Variants in VSTM2B observed in about 807,000 individuals in gnomAD.
VSTM2B encodes V-set and transmembrane domain containing 2B.
Under a neutral mutation model 24.0 loss-of-function variants are expected in VSTM2B, and 24 were observed. That is an observed-to-expected ratio of 1.00 (90% CI 0.72 to 1.40). The LOEUF (loss-of-function observed/expected upper bound fraction) is 1.40. Among genes scored for constraint, VSTM2B ranks in the 40% most tolerant of loss-of-function variants. The probability of loss-of-function intolerance (pLI) is 0.00; values close to 1 mark genes in which losing one functional copy is unlikely to be tolerated. For missense variants in VSTM2B, 399 were observed against 416.4 expected, an observed-to-expected ratio of 0.96 and a Z score of 0.36; for synonymous variants, 226 against 194.4, an observed-to-expected ratio of 1.16 and a Z score of -1.35.
At chr19:29,540,212 T>C (rs1969991436) in intron 4 of VSTM2B, among the ~76,000 whole-genome samples, 1 of 152,272 alleles carries the variant, frequency 6.6e-6, no homozygotes, top group Non-Finnish European at 1.5e-5. Context: ...GTATCTGGTC[T>C]GGCCCAGGCC....
intron 4 of VSTM2B, among the ~76,000 whole-genome samples, chr19:29,561,022 G>A (rs1448569899): frequency 6.6e-6 from 1 of 152,174 alleles, no homozygotes; most frequent in Non-Finnish European, 1.5e-5. Context: ...CTAAAGATCA[G>A]AGCCAGGGGC....
At chr19:29,548,541 G>A (rs927109690) in intron 4 of VSTM2B, among the ~76,000 whole-genome samples, 8 of 152,296 alleles carry the variant, frequency 5.3e-5, no homozygotes, top group Middle Eastern at 6.8e-3. Flanking sequence ...CCATGAAGAG[G>A]CTTTTAATAA....
chr19:29,547,639 G>T (rs1970184073), intron 4 of VSTM2B, among the ~76,000 whole-genome samples: 1 of 152,198 alleles, frequency 6.6e-6, no homozygotes. Context: ...GACCAGAGAG[G>T]TAGGACATGT....
chr19:29,527,468 G>A (rs1330873396), intron 2 of VSTM2B, 73 bp downstream of exon 2: 1 of 1,318,864 alleles, frequency 7.6e-7, no homozygotes, highest in Non-Finnish European at 9.8e-7. Context: ...ACCCAGGGAG[G>A]GAAGCAGCGG....
At chr19:29,544,504 C>T (rs1325370772) in intron 4 of VSTM2B, among the ~76,000 whole-genome samples, 3 of 104,682 alleles carry the variant, frequency 2.9e-5, no homozygotes, top group South Asian at 3.4e-4. Flanking sequence ...CCAGCCTGGG[C>T]GAAAGAGCGA....
In VSTM2B at chr19:29,540,600, C is replaced by G. The variant is rs73547246; in HGVS notation, c.769+10310C>G. Among the ~76,000 whole-genome samples the G allele has an allele frequency of 6.3e-3, 955 of 152,360 alleles. 8 individuals carry two copies. The highest frequency in any genetic ancestry group is 0.022 in the African/African-American group (921 of 41,592). On this transcript the variant is annotated intron_variant, in intron 4 of 4. Coordinates refer to ENST00000335523, the MANE Select transcript of VSTM2B (RefSeq NM_001146339.2). ...ACAGACAGCAGGCCTGGTTCATTCT[C>G]ACTGCTGTTTCCCCACTGTCCTATA...
At chr19:29,560,462 C>T (rs1970499261) in intron 4 of VSTM2B, among the ~76,000 whole-genome samples, 1 of 152,182 alleles carries the variant, frequency 6.6e-6, no homozygotes, top group African/African-American at 2.4e-5. Flanking sequence ...CCCACTGCAC[C>T]ATCCCACTTC....
At position 29,530,047 on chromosome 19, in the gene VSTM2B, C is replaced by T; in HGVS notation, c.526C>T (p.Pro176Ser). The change falls in exon 4 of 5, where the codon CCA (proline) becomes TCA (serine). Residue 176 changes from proline to serine, a missense_variant. Coordinates refer to ENST00000335523, the MANE Select transcript of VSTM2B (RefSeq NM_001146339.2). Reference protein sequence around the residue: ...IQSSGPRRHGPASAANANNAG... With the variant: ...IQSSGPRRHGSASAANANNAG... Reference sequence around the variant, plus strand: ...GAGCAGCGGCCCGCGTCGCCACGGCCCAGCCAGCGCCGCCAACGCCAACAA... The same window carrying T: ...GAGCAGCGGCCCGCGTCGCCACGGCTCAGCCAGCGCCGCCAACGCCAACAA... 6.6e-7 allele frequency: 1 copy of T among 1,519,100 alleles called. No homozygotes were observed. The highest frequency in any genetic ancestry group is 8.8e-7 in the Non-Finnish European group (1 of 1,139,944). 94.1% of individuals were successfully genotyped at this position (1,519,100 alleles called of 1,614,324 possible).
intron 4 of VSTM2B, among the ~76,000 whole-genome samples, chr19:29,551,936 A>G (rs755901355): frequency 1.3e-5 from 2 of 152,228 alleles, no homozygotes; most frequent in Non-Finnish European, 2.9e-5. Context: ...ATCCTACCTC[A>G]GTGAGCAGAA....
intron 4 of VSTM2B, among the ~76,000 whole-genome samples, chr19:29,531,213 C>A (rs1026373482): frequency 6.6e-6 from 1 of 152,158 alleles, no homozygotes; most frequent in Non-Finnish European, 1.5e-5. Flanking sequence ...CCTCAGAGCC[C>A]ACCCCAGTGC....
rs71171739 is a variant in VSTM2B at position 29,556,099 on chromosome 19, C to CAA, written c.770-7735_770-7734dup. The stretch of plus-strand genomic sequence containing the variant: ...CTGATACCAAAATCTGGCAGAGATA[C>CAA]AAAAAAAAAAAAAGAAAGAAAACTT... On this transcript the variant is annotated intron_variant, in intron 4 of 4. Transcript: ENST00000335523. 9.4e-4 allele frequency among the ~76,000 whole-genome samples: 130 copies of CAA among 137,694 alleles called. 2 individuals carry two copies. Among genetic ancestry groups the CAA allele is most frequent in the Middle Eastern group, 3.8e-3 (1 of 266 alleles). 90.3% of individuals were successfully genotyped at this position (137,694 alleles called of 152,430 possible).
intron 4 of VSTM2B, among the ~76,000 whole-genome samples, chr19:29,552,125 G>T (rs1337477251): frequency 6.6e-6 from 1 of 152,214 alleles, no homozygotes; most frequent in Non-Finnish European, 1.5e-5. Flanking sequence ...TGCCTGGGGA[G>T]CAGGTGGACA....
chr19:29,558,541 T>A (rs995982380), intron 4 of VSTM2B, among the ~76,000 whole-genome samples: 5 of 152,134 alleles, frequency 3.3e-5, no homozygotes, highest in Non-Finnish European at 7.3e-5. Context: ...TAAAAAGGAA[T>A]GAGATCATGT....
intron 4 of VSTM2B, among the ~76,000 whole-genome samples, chr19:29,549,427 C>A (rs551212610): frequency 6.6e-6 from 1 of 151,946 alleles, no homozygotes; most frequent in South Asian, 2.1e-4. Context: ...TGATACTTCC[C>A]CCAGTGCTGC....
chr19:29,540,347 G>T (rs1969994203), intron 4 of VSTM2B, among the ~76,000 whole-genome samples: 1 of 152,250 alleles, frequency 6.6e-6, no homozygotes, highest in South Asian at 2.1e-4. Context: ...CACAAGAGGG[G>T]CTCAGAAATG....
At chr19:29,532,255 G>T (rs147828124) in intron 4 of VSTM2B, among the ~76,000 whole-genome samples, 8 of 152,262 alleles carry the variant, frequency 5.3e-5, no homozygotes, top group African/African-American at 1.7e-4. Flanking sequence ...TCTTCCATCG[G>T]CCAGAACTCA....
At chr19:29,535,113 T>TAGCAG (rs1327082326) in intron 4 of VSTM2B, among the ~76,000 whole-genome samples, 1 of 152,220 alleles carries the variant, frequency 6.6e-6, no homozygotes, top group East Asian at 1.9e-4. Flanking sequence ...TGGACTGCAT[T>TAGCAG]AGCAGAGCAG....
At chr19:29,557,714 G>A (rs1388255671) in intron 4 of VSTM2B, among the ~76,000 whole-genome samples, 4 of 148,476 alleles carry the variant, frequency 2.7e-5, no homozygotes, top group Admixed American at 6.7e-5. Context: ...AAAAAAAAAA[G>A]ACTTAAATGT....
chr19:29,542,645 A>C (rs1970050665), intron 4 of VSTM2B, among the ~76,000 whole-genome samples: 1 of 151,964 alleles, frequency 6.6e-6, no homozygotes, highest in Non-Finnish European at 1.5e-5. Context: ...AAAAATAAAT[A>C]GCTGACGCAT....
Sources: gnomAD v4.1 joint callset for allele counts (sites outside exome capture counted in the v4.1 genomes callset) on GRCh38, gnomAD v4.1.1 for gene constraint, MANE v1.5 for transcripts, NCBI Gene and HGNC (gene_info 2026-07-23, HGNC 2026-07-21) for gene names.